Variants in CALML4 observed in about 807,000 individuals in gnomAD.
CALML4 encodes calmodulin like 4, also known as calmodulin-like protein 4.
CALML4 carries 16 observed loss-of-function variants against 17.9 expected under a neutral mutation model. The observed-to-expected ratio is 0.89, with a 90% CI of 0.61 to 1.36. The LOEUF (loss-of-function observed/expected upper bound fraction) is 1.36, where lower values mean the gene tolerates loss of function less well. Among genes scored for constraint, CALML4 ranks in the 40% most tolerant of loss-of-function variants. CALML4 has a pLI of 0.00. For missense variants in CALML4, 203 were observed against 194.8 expected (o/e 1.04, Z -0.25); for synonymous variants, 86 against 71.5 (o/e 1.20, Z -1.02).
chr15:68,205,497 C>T (rs909730915), upstream of CALML4: 1 of 1,247,688 alleles, frequency 8.0e-7, no homozygotes, highest in African/African-American at 1.5e-5. The surrounding 1 kb of genome is among the most constrained non-coding windows in gnomAD (Gnocchi z 4.8). Flanking sequence ...TCCCTGGGCT[C>T]AGAGTCTCTG....
At position 68,191,020 on chromosome 15, in the gene CALML4, TC is replaced by T. The variant is rs1413345725; in HGVS notation, c.*2994del. The T allele has an allele frequency of 6.6e-6, 1 of 152,408 alleles. No homozygotes were observed. The highest frequency in any genetic ancestry group is 2.4e-5 in the African/African-American group (1 of 41,462). 9.4% of individuals were successfully genotyped at this position (152,408 alleles called of 1,614,324 possible). ...TTTCAATTTTAAACACATAAAACTT[TC>T]AAGATCTTCAGGACTTTTTAAAGCA... On this transcript the variant is annotated 3_prime_UTR_variant, in exon 5 of 5. Coordinates refer to ENST00000467889, the MANE Select transcript of CALML4 (RefSeq NM_033429.3).
Position 68,204,783 on chromosome 15 carries a change from C to T in CALML4, c.34+338G>A, listed in dbSNP as rs1337742312. Among the ~76,000 whole-genome samples, 1 of 152,198 alleles carries T rather than the reference C, an allele frequency of 6.6e-6. No homozygotes were observed. Among genetic ancestry groups the T allele is most frequent in the African/African-American group, 2.4e-5 (1 of 41,450 alleles). ...CAATTACAAAGCCCCTCCTCTTTCC[C>T]TGCTGCCAGCCATACCTTTAATGGT... On this transcript the variant is annotated intron_variant, in intron 2 of 4. Transcript: ENST00000467889. This position sits in a 1 kb window ranked among gnomAD's most constrained non-coding sequence, Gnocchi z 6.0.
At chr15:68,202,005 C>CT (rs2093166848) in intron 2 of CALML4, among the ~76,000 whole-genome samples, 2 of 152,196 alleles carry the variant, frequency 1.3e-5, no homozygotes, top group South Asian at 4.1e-4. Context: ...GGATTTTTGT[C>CT]TTTGAGTTCA....
At position 68,194,165 on chromosome 15, in the gene CALML4, AAC is replaced by A. The variant is rs965067227; in HGVS notation, c.365-55_365-54del. 5 of 1,468,466 alleles carry A rather than the reference AAC, an allele frequency of 3.4e-6. No individual in the cohort carries two copies. The African/African-American group carries it at 5.6e-5, about 16-fold the overall frequency. The allele number at this position is 1,468,466 out of a possible 1,614,324, so 91.0% of individuals were successfully genotyped here. Reference sequence around the variant, plus strand: ...GTTTGGCTTTAGTGTTCCATTATAAAACAGTGAGTTTTTTGGGGACTGGAGCT... The same window carrying A: ...GTTTGGCTTTAGTGTTCCATTATAAAAGTGAGTTTTTTGGGGACTGGAGCT... On this transcript the variant is annotated intron_variant, in intron 4 of 4. Coordinates refer to ENST00000467889, the MANE Select transcript of CALML4 (RefSeq NM_033429.3).
rs183210906 is a variant in CALML4 at position 68,202,074 on chromosome 15, T to C, written c.35-2393A>G. Among the ~76,000 whole-genome samples, 5 of 152,308 alleles carry C rather than the reference T, an allele frequency of 3.3e-5. No homozygotes were observed. In the East Asian group the frequency reaches 9.6e-4, roughly 29 times the overall value. On this transcript the variant is annotated intron_variant, in intron 2 of 4. Transcript: ENST00000467889. ...CACAAACATTTGTTGAATGAAAGGA[T>C]TAATTGGGTTAAATGAATTGGATTA... is the stretch of plus-strand genomic sequence containing the variant.
intron 4 of CALML4, among the ~76,000 whole-genome samples, chr15:68,194,773 C>T (rs192041856): frequency 2.0e-4 from 30 of 152,086 alleles, no homozygotes; most frequent in East Asian, 9.7e-4. Context: ...TTTTACCTTC[C>T]GCAGCTCAGC....
At chr15:68,202,068 A>G (rs115457595) in intron 2 of CALML4, among the ~76,000 whole-genome samples, 1,671 of 152,370 alleles carry the variant, frequency 0.011, 32 homozygotes, top group African/African-American at 0.036. Context: ...TTGTTGAATG[A>G]AAGGATTAAT....
At chr15:68,202,649 T>C (rs1474963522) in intron 2 of CALML4, among the ~76,000 whole-genome samples, 5 of 150,906 alleles carry the variant, frequency 3.3e-5, no homozygotes, top group Admixed American at 6.6e-5. Context: ...CCAACTTTTT[T>C]TTTTTTTTTT....
Position 68,194,530 on chromosome 15 carries a change from A to G in CALML4, c.365-418T>C, listed in dbSNP as rs149071990. On this transcript the variant is annotated intron_variant, in intron 4 of 4. Transcript: ENST00000467889. ...TCCTGAGTAGCTGAGCTTACAGGCA[A>G]GTACCACCATGCCCGGCTAATTTTT... Among the ~76,000 whole-genome samples the G allele has an allele frequency of 2.7e-3, 406 of 151,972 alleles. 14 individuals are homozygous for G. The East Asian group carries it at 0.066, about 25-fold the overall frequency.
rs543365575 is a variant in CALML4, at chr15:68,200,449, G to A, written c.35-768C>T. ...TACTTGGTGGAGGTGGAAGGCAGCC[G>A]GAGCTAGCTCCCCTAAACCCACAGA... On this transcript the variant is annotated intron_variant, in intron 2 of 4. Transcript: ENST00000467889. The surrounding 1 kb of genome is among the most constrained non-coding windows in gnomAD (Gnocchi z 4.3). Among the ~76,000 whole-genome samples, 9 of 152,290 alleles carry A rather than the reference G, an allele frequency of 5.9e-5. No homozygotes were observed. Among genetic ancestry groups the A allele is most frequent in the Admixed American group, 2.0e-4 (3 of 15,294 alleles).
intron 4 of CALML4, among the ~76,000 whole-genome samples, chr15:68,195,640 T>G (rs2093141100): frequency 6.6e-6 from 1 of 152,194 alleles, no homozygotes; most frequent in African/African-American, 2.4e-5. Context: ...AGGAGAAGGC[T>G]TCACCCACAG....
chr15:68,194,279 G>A (rs566309483), intron 4 of CALML4, among the ~76,000 whole-genome samples, 167 bp from the exon 5 acceptor site: 2 of 152,172 alleles, frequency 1.3e-5, no homozygotes, highest in Admixed American at 1.3e-4. Flanking sequence ...ACCCATCCCT[G>A]CACTCCTGAG....
intron 4 of CALML4, among the ~76,000 whole-genome samples, chr15:68,196,141 C>G (rs1293804492): frequency 6.6e-6 from 1 of 152,186 alleles, no homozygotes; most frequent in Admixed American, 6.5e-5. Flanking sequence ...CTCCGCCTCC[C>G]AGATTCAAGT....
At chr15:68,199,754 T>C (rs1465826099) in intron 2 of CALML4, 73 bp from the exon 3 acceptor site, 1 of 1,508,158 alleles carries the variant, frequency 6.6e-7, no homozygotes, top group Non-Finnish European at 9.0e-7. Flanking sequence ...CCATCCTTAG[T>C]CTCTTCTCCC....
chr15:68,206,055 C>T (rs1316959478), upstream of CALML4: 1 of 152,490 alleles, frequency 6.6e-6, no homozygotes, highest in Non-Finnish European at 1.5e-5. Flanking sequence ...GCCGGTTACC[C>T]TGGCCAGGAA....
At chr15:68,194,933 TAAA>T (rs35301423) in intron 4 of CALML4, among the ~76,000 whole-genome samples, 2 of 134,698 alleles carry the variant, frequency 1.5e-5, no homozygotes, top group Non-Finnish European at 3.1e-5. Flanking sequence ...CCATCACCTC[TAAA>T]AAAAAAAAAA....
In CALML4 at chr15:68,205,054, C is replaced by G. The variant is rs2093177607; in HGVS notation, c.34+67G>C. On this transcript the variant is annotated intron_variant, in intron 2 of 4. Transcript: ENST00000467889. The surrounding 1 kb of genome is among the most constrained non-coding windows in gnomAD (Gnocchi z 4.8). Reference sequence around the variant, plus strand: ...TTCCTTCCCACCAAGAAAACATGAGCAGAGCAAATTGCCTAATGAGACCCA... The same window carrying G: ...TTCCTTCCCACCAAGAAAACATGAGGAGAGCAAATTGCCTAATGAGACCCA... 23 of 1,569,666 alleles carry G rather than the reference C, an allele frequency of 1.5e-5. 1 individual carries two copies. Among genetic ancestry groups the G allele is most frequent in the Middle Eastern group, 3.3e-4 (2 of 6,012 alleles).
In CALML4 at chr15:68,200,199, T is replaced by A. The variant is rs1005677623; in HGVS notation, c.35-518A>T. On this transcript the variant is annotated intron_variant, in intron 2 of 4. Coordinates refer to ENST00000467889, the MANE Select transcript of CALML4 (RefSeq NM_033429.3). This position sits in a 1 kb window ranked among gnomAD's most constrained non-coding sequence, Gnocchi z 4.3. The stretch of plus-strand genomic sequence containing the variant: ...GAATAATAAGGCCTCAGGATTACTG[T>A]GAGAGCCAGAAATCCCAGGAGGCCT... Among the ~76,000 whole-genome samples the A allele has an allele frequency of 6.6e-6, 1 of 152,198 alleles. No homozygotes were observed. The highest frequency in any genetic ancestry group is 6.5e-5 in the Admixed American group (1 of 15,284).
At position 68,199,697 on chromosome 15, in the gene CALML4, AG is replaced by A. The variant is rs753242152; in HGVS notation, c.35-17del. On this transcript the variant is annotated splice_polypyrimidine_tract_variant and intron_variant, in intron 2 of 4. Coordinates refer to ENST00000467889, the MANE Select transcript of CALML4 (RefSeq NM_033429.3). ...TCCTTGTACTCTGCACACGGCCCAG[AG>A]GGAGGGTCAGCAGCGTCTGGTCACT... The A allele has an allele frequency of 1.9e-6, 3 of 1,609,408 alleles. No homozygotes were observed. In the South Asian group the frequency reaches 3.3e-5, roughly 18 times the overall value.
Sources: allele counts gnomAD v4.1 joint callset (sites outside exome capture counted in the v4.1 genomes callset), GRCh38; gene constraint gnomAD v4.1.1; non-coding constraint Gnocchi (gnomAD v3.1); transcripts MANE v1.5; gene names NCBI Gene and HGNC (gene_info 2026-07-23, HGNC 2026-07-21).